The following DPF3 variants were observed in gnomAD, a reference collection of about 807,000 sequenced individuals.
DPF3 encodes the protein zinc finger protein DPF3.
In DPF3, 18 loss-of-function variants were observed where a neutral mutation model predicts 56.8. The ratio of observed to expected loss-of-function variants is 0.32; its 90% CI spans 0.22 to 0.47. The LOEUF (loss-of-function observed/expected upper bound fraction) is 0.47. Among genes scored for constraint, DPF3 ranks in the 20% least tolerant of loss-of-function variants. DPF3 has a pLI of 1.00. For synonymous variants in DPF3, 188 were observed against 180.2 expected (o/e 1.04, Z -0.35); for missense variants, 403 against 488.8 (o/e 0.82, Z 1.65).
chr14:72,767,285 C>A (rs1891327015), intron 2 of DPF3, among the ~76,000 whole-genome samples: 1 of 152,088 alleles, frequency 6.6e-6, no homozygotes, highest in African/African-American at 2.4e-5. Context: ...TATGAAGAAC[C>A]AGGAAAATCT....
intron 1 of DPF3, among the ~76,000 whole-genome samples, chr14:72,808,318 C>A (rs558600968): frequency 1.3e-5 from 2 of 152,284 alleles, no homozygotes; most frequent in African/African-American, 4.8e-5. Flanking sequence ...ACATCCTGCT[C>A]TGAAGGAGTG....
chr14:72,749,503 G>A lies in DPF3; in HGVS notation c.301+3761C>T, dbSNP rs535959259. 9.8e-5 allele frequency among the ~76,000 whole-genome samples: 15 copies of A among 152,326 alleles called. No homozygotes were observed. In the South Asian group the frequency reaches 2.1e-3, roughly 21 times the overall value. On this transcript the variant is annotated intron_variant, in intron 3 of 10. Coordinates refer to ENST00000556509, the MANE Select transcript of DPF3 (RefSeq NM_001280542.3). The stretch of plus-strand genomic sequence containing the variant: ...GAAACGAGTTGAGACTTTGGAAGAC[G>A]GTTAGGAAGGCATGATTGGTTTTGA...
intron 1 of DPF3, among the ~76,000 whole-genome samples, chr14:72,865,525 C>T (rs988885103): frequency 2.6e-5 from 4 of 152,140 alleles, no homozygotes; most frequent in African/African-American, 9.7e-5. Flanking sequence ...GTGAAATCAT[C>T]GGCTGAGAGC....
At chr14:72,743,320 G>A (rs1186195880) in intron 3 of DPF3, among the ~76,000 whole-genome samples, 3 of 152,064 alleles carry the variant, frequency 2.0e-5, no homozygotes, top group South Asian at 2.1e-4. Context: ...GGATAAGTGA[G>A]TGTGTCGGGC....
At chr14:72,682,886 T>C (rs547321767) in intron 7 of DPF3, among the ~76,000 whole-genome samples, 110 of 152,300 alleles carry the variant, frequency 7.2e-4, no homozygotes, top group African/African-American at 2.6e-3. Flanking sequence ...CCCCTTCAAT[T>C]TGACAGTACA....
chr14:72,803,150 TC>T (rs1219380362), intron 1 of DPF3, among the ~76,000 whole-genome samples: 2 of 152,188 alleles, frequency 1.3e-5, no homozygotes, highest in Admixed American at 6.5e-5. Flanking sequence ...GATAGAAAAG[TC>T]CTCCTCTCTT....
At chr14:72,859,276 T>C (rs1414382091) in intron 1 of DPF3, among the ~76,000 whole-genome samples, 2 of 152,106 alleles carry the variant, frequency 1.3e-5, no homozygotes, top group Admixed American at 6.6e-5. Flanking sequence ...CGATACTACA[T>C]AGGTTTGAAA....
chr14:72,702,810 C>T (rs1888232403), intron 6 of DPF3, among the ~76,000 whole-genome samples: 1 of 152,176 alleles, frequency 6.6e-6, no homozygotes, highest in African/African-American at 2.4e-5. Context: ...GTTCATCCCA[C>T]AGCCACTTCA....
chr14:72,821,874 C>T (rs1883561742), intron 1 of DPF3, among the ~76,000 whole-genome samples: 1 of 151,594 alleles, frequency 6.6e-6, no homozygotes, highest in African/African-American at 2.4e-5. Context: ...CAGGCACTGT[C>T]GTGTGTACCT....
chr14:72,829,466 C>A (rs1431647596), intron 1 of DPF3, among the ~76,000 whole-genome samples: 1 of 151,942 alleles, frequency 6.6e-6, no homozygotes, highest in Non-Finnish European at 1.5e-5. Context: ...CTCACTGCAA[C>A]CTCTGCCTCC....
At chr14:72,786,679 G>A (rs1892224434) in intron 1 of DPF3, among the ~76,000 whole-genome samples, 3 of 152,098 alleles carry the variant, frequency 2.0e-5, no homozygotes, top group African/African-American at 7.2e-5. Context: ...TAATAGAATA[G>A]GAAACCTAAG....
At position 72,724,502 on chromosome 14, in the gene DPF3, A is replaced by G. The variant is rs137890583; in HGVS notation, c.430-774T>C. ...TCTCAGCACAGTGGCTGAGAATTCC[A>G]GATGTAATCTGGCATACTCTCCATG... On this transcript the variant is annotated intron_variant, in intron 4 of 10. Transcript: ENST00000556509. 4.3e-3 allele frequency among the ~76,000 whole-genome samples: 654 copies of G among 152,066 alleles called. 5 individuals carry two copies. The highest frequency in any genetic ancestry group is 0.015 in the African/African-American group (610 of 41,478).
intron 8 of DPF3, chr14:72,670,852 C>T: frequency 2.6e-6 from 3 of 1,171,146 alleles, no homozygotes; most frequent in Non-Finnish European, 3.2e-6. Context: ...GTCTAACTTC[C>T]TATTTCTATG....
At chr14:72,700,130 C>T (rs1047612262) in intron 6 of DPF3, among the ~76,000 whole-genome samples, 10 of 152,196 alleles carry the variant, frequency 6.6e-5, no homozygotes, top group African/African-American at 2.4e-4. Context: ...GATGAAACTG[C>T]TTCATCACAA....
chr14:72,862,289 G>A (rs773909502), intron 1 of DPF3, among the ~76,000 whole-genome samples: 17 of 152,066 alleles, frequency 1.1e-4, no homozygotes, highest in Admixed American at 2.6e-4. Context: ...CCTTCCAGAC[G>A]AAGTGGAGCC....
At chr14:72,637,613 C>T (rs1885422603) in intron 8 of DPF3, among the ~76,000 whole-genome samples, 1 of 152,142 alleles carries the variant, frequency 6.6e-6, no homozygotes, top group African/African-American at 2.4e-5. Flanking sequence ...TTGGACAAGT[C>T]AATTGACTTC....
chr14:72,888,588 C>T lies in DPF3; in HGVS notation c.32+5469G>A, dbSNP rs551871942. Among the ~76,000 whole-genome samples, 8 of 152,342 alleles carry T rather than the reference C, an allele frequency of 5.3e-5. No homozygotes were observed. The East Asian group carries it at 1.5e-3, about 29-fold the overall frequency. On this transcript the variant is annotated intron_variant, in intron 1 of 10. Coordinates refer to ENST00000556509, the MANE Select transcript of DPF3 (RefSeq NM_001280542.3). The stretch of plus-strand genomic sequence containing the variant: ...ACAACAATCTTTGCAGAGTTCCATA[C>T]CACACAGTGGTTTTACCCACTCCTC...
intron 1 of DPF3, among the ~76,000 whole-genome samples, chr14:72,810,554 G>C (rs561710730): frequency 6.6e-6 from 1 of 152,244 alleles, no homozygotes; most frequent in African/African-American, 2.4e-5. Flanking sequence ...CAGCAGCTGG[G>C]TCTCACACAC....
intron 1 of DPF3, among the ~76,000 whole-genome samples, chr14:72,772,710 C>G (rs1277394039): frequency 6.6e-6 from 1 of 152,064 alleles, no homozygotes; most frequent in Non-Finnish European, 1.5e-5. Context: ...GTGTCCTTTT[C>G]AAAGACCAAA....
Sources: gnomAD v4.1 joint callset for allele counts (sites outside exome capture counted in the v4.1 genomes callset) on GRCh38, gnomAD v4.1.1 for gene constraint, MANE v1.5 for transcripts, NCBI Gene and HGNC (gene_info 2026-07-23, HGNC 2026-07-21) for gene names.